The following ATP6V1E1 variants were observed in gnomAD, a reference collection of about 807,000 sequenced individuals.
ATP6V1E1 encodes the protein ATPase H+ transporting V1 subunit E1.
A neutral mutation model predicts 35.2 loss-of-function variants in ATP6V1E1; 21 were observed. That is an observed-to-expected ratio of 0.60 (90% CI 0.42 to 0.86). ATP6V1E1 has a LOEUF of 0.86. Ranked by LOEUF, ATP6V1E1 falls within the 40% of genes least tolerant of loss-of-function variation. The pLI, the probability that ATP6V1E1 is intolerant of heterozygous loss-of-function variation, is 0.00. For synonymous variants in ATP6V1E1, 83 were observed against 87.8 expected (o/e 0.95, Z 0.30); for missense variants, 183 against 272.6 (o/e 0.67, Z 2.32).
intron 6 of ATP6V1E1, among the ~76,000 whole-genome samples, chr22:17,599,220 G>A (rs1474488560): frequency 1.3e-5 from 2 of 151,772 alleles, no homozygotes; most frequent in Non-Finnish European, 2.9e-5. Context: ...GCACAATATT[G>A]TAAATGTACT....
At chr22:17,625,866 TAAAA>T (rs563941793) in intron 1 of ATP6V1E1, among the ~76,000 whole-genome samples, 67 of 139,708 alleles carry the variant, frequency 4.8e-4, no homozygotes, top group African/African-American at 1.6e-3. Context: ...GTATGGCACT[TAAAA>T]AAAAAAAAAA....
At chr22:17,609,122 C>CA (rs1162777106) in intron 4 of ATP6V1E1, among the ~76,000 whole-genome samples, 10 of 148,420 alleles carry the variant, frequency 6.7e-5, no homozygotes, top group African/African-American at 2.0e-4. Context: ...AACAAACAAA[C>CA]AAACAAACAA....
At chr22:17,617,767 G>T (rs1019456832) in intron 2 of ATP6V1E1, among the ~76,000 whole-genome samples, 3 of 151,782 alleles carry the variant, frequency 2.0e-5, no homozygotes, top group African/African-American at 7.3e-5. Context: ...GTAATGGGTG[G>T]GGTTTTCATT....
chr22:17,628,591 C>A lies in ATP6V1E1; in HGVS notation c.33+12G>T. 1 of 1,614,156 alleles carries A rather than the reference C, an allele frequency of 6.2e-7. No homozygotes were observed. Among genetic ancestry groups the A allele is most frequent in the Non-Finnish European group, 8.5e-7 (1 of 1,180,040 alleles). The stretch of plus-strand genomic sequence containing the variant: ...CCGCCGCGGCTTCGTAAGACCCAAC[C>A]AAGCCCCTCACCTGCTTTTGCACGT... On this transcript the variant is annotated intron_variant, in intron 1 of 8. Transcript: ENST00000253413.
rs1186126572 is a variant in ATP6V1E1 at position 17,601,181 on chromosome 22, C to T, written c.277G>A (p.Asp93Asn). 6.2e-7 allele frequency: 1 copy of T among 1,612,298 alleles called. No individual in the cohort carries two copies. Among genetic ancestry groups the T allele is most frequent in the Non-Finnish European group, 8.5e-7 (1 of 1,178,838 alleles). Residue 93 changes from aspartate (D) to asparagine (N), a missense_variant and splice_region_variant, in exon 5 of 9, where the codon GAC becomes AAC. Transcript: ENST00000253413. ...CTCTGTTTTGCTTCATTTAGTAGGT[C>T]CTACAAAGATTAGAAAAGATAAAAG... is the stretch of plus-strand genomic sequence containing the variant. ...VLRARDDLIT[D>N]LLNEAKQRLS...
At chr22:17,627,818 CAAA>C (rs71201846) in intron 1 of ATP6V1E1, among the ~76,000 whole-genome samples, 1 of 105,128 alleles carries the variant, frequency 9.5e-6, no homozygotes, top group Admixed American at 1.1e-4. Context: ...GACTCCGTCT[CAAA>C]AAAAAAAAAA....
At chr22:17,616,310 T>G (rs2057844275) in intron 2 of ATP6V1E1, among the ~76,000 whole-genome samples, 1 of 152,108 alleles carries the variant, frequency 6.6e-6, no homozygotes, top group Non-Finnish European at 1.5e-5. Context: ...ATTGCACCAC[T>G]GCACTCCAGC....
rs2057821906 is a variant in ATP6V1E1 at position 17,612,821 on chromosome 22, G to A, written c.267C>T (p.Asp89=). The A allele has an allele frequency of 1.2e-6, 2 of 1,602,756 alleles. No homozygotes were observed. Among genetic ancestry groups the A allele is most frequent in the African/African-American group, 1.3e-5 (1 of 74,480 alleles). ...GGGGCTAATTACTCACTGTGATAAG[G>A]TCATCTCTTGCTCTGAGGACTTTGA... ...ARLKVLRARD[D]LITDLLNEAK... is the part of the protein sequence containing the mutation. The change falls in exon 4 of 9, where the codon GAC becomes GAT. Residue 89 remains aspartate (D), a synonymous_variant. Coordinates refer to ENST00000253413, the MANE Select transcript of ATP6V1E1 (RefSeq NM_001696.4).
intron 2 of ATP6V1E1, among the ~76,000 whole-genome samples, chr22:17,614,305 G>A (rs561710581): frequency 4.7e-5 from 7 of 150,368 alleles, no homozygotes; most frequent in Non-Finnish European, 7.4e-5. Context: ...AGCCGAGATC[G>A]TGCCACTGCA....
intron 4 of ATP6V1E1, among the ~76,000 whole-genome samples, chr22:17,601,769 G>A (rs1261934175): frequency 2.0e-5 from 3 of 152,178 alleles, no homozygotes; most frequent in African/African-American, 7.2e-5. Flanking sequence ...ACCACGCCCA[G>A]CTAATTCTTG....
At chr22:17,602,343 AAGT>A (rs200405056) in intron 4 of ATP6V1E1, among the ~76,000 whole-genome samples, 3,212 of 152,206 alleles carry the variant, frequency 0.021, 103 homozygotes, top group African/African-American at 0.073. Flanking sequence ...ATCATTTGTT[AAGT>A]AATAAGGCTT....
chr22:17,628,096 G>C (rs1293802964), intron 1 of ATP6V1E1, among the ~76,000 whole-genome samples: 1 of 151,548 alleles, frequency 6.6e-6, no homozygotes, highest in African/African-American at 2.4e-5. Context: ...TTCCCGAGTA[G>C]CTGGGATTAC....
intron 6 of ATP6V1E1, among the ~76,000 whole-genome samples, chr22:17,598,817 T>G (rs1439469720): frequency 6.6e-6 from 1 of 152,190 alleles, no homozygotes. Flanking sequence ...CAATTCTACT[T>G]CTGGGTATAC....
chr22:17,618,733 T>C (rs1009994915), intron 2 of ATP6V1E1, among the ~76,000 whole-genome samples: 1 of 150,486 alleles, frequency 6.6e-6, no homozygotes, highest in Non-Finnish European at 1.5e-5. Context: ...GGCACGGTGT[T>C]TCACACCTGT....
chr22:17,618,819 G>C (rs879677686), intron 2 of ATP6V1E1, among the ~76,000 whole-genome samples: 2 of 152,140 alleles, frequency 1.3e-5, no homozygotes, highest in African/African-American at 2.4e-5. Flanking sequence ...GGCCAACATG[G>C]TGAAACCCTG....
chr22:17,599,246 T>C (rs1330099070), intron 6 of ATP6V1E1, among the ~76,000 whole-genome samples: 1 of 151,372 alleles, frequency 6.6e-6, no homozygotes, highest in East Asian at 1.9e-4. Flanking sequence ...GCACAATGTA[T>C]GGTTAAAATG....
chr22:17,610,726 CATAA>C (rs1260855518), intron 4 of ATP6V1E1, among the ~76,000 whole-genome samples: 5 of 152,032 alleles, frequency 3.3e-5, no homozygotes, highest in Non-Finnish European at 7.4e-5. Flanking sequence ...TTACTTTGGG[CATAA>C]ATAATGAAAA....
chr22:17,595,718 G>A (rs1479177223), intron 7 of ATP6V1E1, among the ~76,000 whole-genome samples: 4 of 152,214 alleles, frequency 2.6e-5, no homozygotes, highest in African/African-American at 2.4e-5. Context: ...CTACTTGAGA[G>A]ACTGAGGCAG....
intron 1 of ATP6V1E1, among the ~76,000 whole-genome samples, chr22:17,624,405 T>C (rs1014005559): frequency 1.3e-5 from 2 of 150,620 alleles, no homozygotes; most frequent in African/African-American, 4.9e-5. Flanking sequence ...AATACAAAAA[T>C]TAGCTGGGTG....
Sources: gnomAD v4.1 joint callset for allele counts (sites outside exome capture counted in the v4.1 genomes callset) on GRCh38, gnomAD v4.1.1 for gene constraint, MANE v1.5 for transcripts, NCBI Gene and HGNC (gene_info 2026-07-23, HGNC 2026-07-21) for gene names.